SDK1: variants seen among roughly 807,000 people sequenced by gnomAD.
SDK1 encodes protein sidekick-1.
Under a neutral mutation model 245.5 loss-of-function variants are expected in SDK1, and 157 were observed. That is an observed-to-expected ratio of 0.64 (90% confidence interval 0.56 to 0.73). The LOEUF is 0.73. SDK1 is among the 30% of genes least tolerant of loss of function. The pLI, the probability that SDK1 is intolerant of heterozygous loss-of-function variation, is 0.00. For synonymous variants in SDK1, 1,647 were observed against 1,278.5 expected (o/e 1.29, Z -6.15); for missense variants, 3,583 against 3,002.3 (o/e 1.19, Z -4.52).
intron 1 of SDK1, among the ~76,000 whole-genome samples, chr7:3,410,741 C>G (rs545995386): frequency 1.3e-5 from 2 of 152,094 alleles, no homozygotes; most frequent in African/African-American, 4.8e-5. Flanking sequence ...CACACACTAC[C>G]ATGCCCAACT....
chr7:3,615,725 C>T (rs958065242), intron 1 of SDK1, among the ~76,000 whole-genome samples: 1 of 151,586 alleles, frequency 6.6e-6, no homozygotes, highest in African/African-American at 2.4e-5. Flanking sequence ...AATCTTTTTC[C>T]CACCTAACTA....
intron 22 of SDK1, among the ~76,000 whole-genome samples, chr7:4,087,196 C>T (rs999926349): frequency 6.6e-6 from 1 of 152,150 alleles, no homozygotes; most frequent in African/African-American, 2.4e-5. Context: ...GGAACTGGTT[C>T]TTGTATATGG....
intron 1 of SDK1, among the ~76,000 whole-genome samples, chr7:3,595,505 G>A (rs758581930): frequency 3.3e-5 from 5 of 151,958 alleles, no homozygotes; most frequent in Non-Finnish European, 5.9e-5. Flanking sequence ...TGTTGCCTCC[G>A]ATATATTTAA....
At chr7:4,169,944 A>T (rs1477642255) in intron 32 of SDK1, among the ~76,000 whole-genome samples, 2 of 152,200 alleles carry the variant, frequency 1.3e-5, no homozygotes, top group Non-Finnish European at 2.9e-5. Context: ...ACGGCCATGG[A>T]GAACACTTCC....
chr7:3,561,252 G>T (rs961042559), intron 1 of SDK1, among the ~76,000 whole-genome samples: 3 of 152,156 alleles, frequency 2.0e-5, no homozygotes, highest in Admixed American at 6.5e-5. Context: ...AGGGCAGGGG[G>T]TTGATCCCTA....
At chr7:3,921,520 C>A (rs1406180341) in intron 5 of SDK1, among the ~76,000 whole-genome samples, 1 of 152,178 alleles carries the variant, frequency 6.6e-6, no homozygotes, top group Non-Finnish European at 1.5e-5. Context: ...TAGTTAAGCT[C>A]TTTAGCTATA....
chr7:3,312,313 G>T (rs1273149265), intron 1 of SDK1, among the ~76,000 whole-genome samples: 1 of 152,152 alleles, frequency 6.6e-6, no homozygotes, highest in Non-Finnish European at 1.5e-5. Flanking sequence ...GAAGAAACAA[G>T]TCATGCTATA....
intron 20 of SDK1, among the ~76,000 whole-genome samples, chr7:4,076,543 C>G (rs965002631): frequency 6.7e-6 from 1 of 149,120 alleles, no homozygotes; most frequent in Non-Finnish European, 1.5e-5. Context: ...GCAACAGACT[C>G]AAAAATAAAT....
At chr7:4,220,647 C>T (rs984107363) in intron 39 of SDK1, among the ~76,000 whole-genome samples, 2 of 151,838 alleles carry the variant, frequency 1.3e-5, no homozygotes, top group Non-Finnish European at 2.9e-5. Flanking sequence ...AACTGTTCTG[C>T]CCTTTGTTTA....
At chr7:3,723,493 C>G (rs1023824216) in intron 4 of SDK1, among the ~76,000 whole-genome samples, 2 of 152,138 alleles carry the variant, frequency 1.3e-5, no homozygotes, top group Non-Finnish European at 2.9e-5. Context: ...TTTATTCACA[C>G]ACTAGTAGCA....
chr7:3,659,941 C>G (rs1264601159), intron 4 of SDK1, among the ~76,000 whole-genome samples: 1 of 152,112 alleles, frequency 6.6e-6, no homozygotes, highest in African/African-American at 2.4e-5. Context: ...TTGGGGGAAT[C>G]TTTTACAGAA....
chr7:3,677,844 A>G (rs979283265), intron 4 of SDK1, among the ~76,000 whole-genome samples: 2 of 152,224 alleles, frequency 1.3e-5, no homozygotes, highest in African/African-American at 4.8e-5. Context: ...ATATTCACAC[A>G]TGGATAACCA....
intron 28 of SDK1, among the ~76,000 whole-genome samples, chr7:4,143,326 G>A (rs897181721): frequency 6.6e-6 from 1 of 152,192 alleles, no homozygotes; most frequent in Non-Finnish European, 1.5e-5. Flanking sequence ...TGCTAGGGAA[G>A]GGGTCTTGCC....
At position 3,578,258 on chromosome 7, in the gene SDK1, A is replaced by G. The variant is rs767851920; in HGVS notation, c.299-40822A>G. On this transcript the variant is annotated intron_variant, in intron 1 of 44. Coordinates refer to ENST00000404826, the MANE Select transcript of SDK1 (RefSeq NM_152744.4). Reference sequence around the variant, plus strand: ...GCAAAACCAGCAAGTTTTATTAAGGATTTCATTAAGGATTTTATTAAGGAT... The same window carrying G: ...GCAAAACCAGCAAGTTTTATTAAGGGTTTCATTAAGGATTTTATTAAGGAT... Among the ~76,000 whole-genome samples the G allele has an allele frequency of 5.9e-5, 9 of 151,846 alleles. 1 individual carries two copies. The highest frequency in any genetic ancestry group is 1.3e-4 in the Non-Finnish European group (9 of 67,948).
intron 1 of SDK1, among the ~76,000 whole-genome samples, chr7:3,302,943 G>C (rs915539576): frequency 1.3e-5 from 2 of 150,898 alleles, no homozygotes; most frequent in African/African-American, 5.0e-5. Flanking sequence ...GTAGTAACAT[G>C]ACTTAAATGT....
At chr7:3,779,654 C>T (rs1032784094) in intron 4 of SDK1, among the ~76,000 whole-genome samples, 11 of 152,054 alleles carry the variant, frequency 7.2e-5, no homozygotes, top group African/African-American at 1.7e-4. Flanking sequence ...ATGATGAGTC[C>T]GGGCGCGGTG....
At chr7:3,692,775 T>C (rs950162417) in intron 4 of SDK1, among the ~76,000 whole-genome samples, 2 of 152,118 alleles carry the variant, frequency 1.3e-5, no homozygotes, top group Non-Finnish European at 2.9e-5. Context: ...TATGAAACAT[T>C]CCCCTGTATT....
chr7:4,079,886 T>G (rs1197394359), intron 22 of SDK1, among the ~76,000 whole-genome samples: 1 of 152,224 alleles, frequency 6.6e-6, no homozygotes, highest in African/African-American at 2.4e-5. Context: ...TTTTAAAAAT[T>G]CTATATCACA....
At chr7:4,223,162 G>A (rs73048289) in intron 40 of SDK1, among the ~76,000 whole-genome samples, 22,619 of 152,114 alleles carry the variant, frequency 0.15, 2,411 homozygotes, top group Non-Finnish European at 0.22. Context: ...AGGAGGGTAC[G>A]AGTGTCCTGA....
Sources: gnomAD v4.1 joint callset for allele counts (sites outside exome capture counted in the v4.1 genomes callset) on GRCh38, gnomAD v4.1.1 for gene constraint, MANE v1.5 for transcripts, NCBI Gene and HGNC (gene_info 2026-07-23, HGNC 2026-07-21) for gene names.